The following GRIA4 variants were observed in gnomAD, a reference collection of about 807,000 sequenced individuals.
GRIA4 encodes the protein glutamate ionotropic receptor AMPA type subunit 4, also known as glutamate receptor 4.
In GRIA4, 34 loss-of-function variants were observed where a neutral mutation model predicts 104.0. The observed-to-expected ratio is 0.33, with a 90% CI of 0.25 to 0.44. The LOEUF (loss-of-function observed/expected upper bound fraction) is 0.44, where lower values mean the gene tolerates loss of function less well. Among genes scored for constraint, GRIA4 ranks in the 20% least tolerant of loss-of-function variants. The probability of loss-of-function intolerance (pLI) is 1.00; values close to 1 mark genes in which losing one functional copy is unlikely to be tolerated. For synonymous variants in GRIA4, 386 were observed against 381.9 expected (o/e 1.01, Z -0.13); for missense variants, 750 against 1,096.5 (o/e 0.68, Z 4.46).
intron 3 of GRIA4, among the ~76,000 whole-genome samples, chr11:105,658,798 A>G (rs1237051870): frequency 6.6e-6 from 1 of 151,960 alleles, no homozygotes; most frequent in African/African-American, 2.4e-5. Flanking sequence ...TGAGAAAGTA[A>G]CAAAATATAA....
intron 4 of GRIA4, among the ~76,000 whole-genome samples, chr11:105,780,519 T>A (rs968026735): frequency 2.6e-4 from 39 of 152,232 alleles, no homozygotes; most frequent in African/African-American, 8.4e-4. Context: ...AAAGATTTTT[T>A]AAAAATCTTA....
At chr11:105,825,926 C>T (rs1225354108) in intron 4 of GRIA4, among the ~76,000 whole-genome samples, 3 of 152,054 alleles carry the variant, frequency 2.0e-5, no homozygotes, top group African/African-American at 7.2e-5. Flanking sequence ...TGACTCACAG[C>T]ACCACTTTAG....
chr11:105,794,469 G>GTA (rs1200611859), intron 4 of GRIA4, among the ~76,000 whole-genome samples: 4,149 of 40,154 alleles, frequency 0.1, 592 homozygotes, highest in Middle Eastern at 0.2. Context: ...GTGTGTATAT[G>GTA]TATGTATATA....
chr11:105,665,868 T>C (rs558486058), intron 3 of GRIA4, among the ~76,000 whole-genome samples: 2 of 152,122 alleles, frequency 1.3e-5, no homozygotes, highest in African/African-American at 4.8e-5. Flanking sequence ...AATACCAAGC[T>C]TGGTCTCCAT....
intron 3 of GRIA4, among the ~76,000 whole-genome samples, chr11:105,679,824 C>A (rs1952653970): frequency 6.6e-6 from 1 of 152,094 alleles, no homozygotes; most frequent in Non-Finnish European, 1.5e-5. Flanking sequence ...TTGAGCTCAG[C>A]AAGATCCTCA....
At chr11:105,742,840 G>GA (rs1392428731) in intron 3 of GRIA4, among the ~76,000 whole-genome samples, 1 of 152,042 alleles carries the variant, frequency 6.6e-6, no homozygotes, top group African/African-American at 2.4e-5. Context: ...GGGTTCAAGC[G>GA]ATTCTCCTGC....
chr11:105,642,537 G>GA (rs34987277), intron 3 of GRIA4, among the ~76,000 whole-genome samples: 5,385 of 72,434 alleles, frequency 0.074, 1,041 homozygotes, highest in African/African-American at 0.15. Context: ...CAATTTTAAT[G>GA]AAAAAAAAAA....
chr11:105,690,910 T>C (rs1953061354), intron 3 of GRIA4, among the ~76,000 whole-genome samples: 1 of 152,202 alleles, frequency 6.6e-6, no homozygotes, highest in South Asian at 2.1e-4. Context: ...AATTGGCCAA[T>C]CTTTTTCTTC....
At chr11:105,888,149 GTGTAGGGGGTAGATTA>G (rs1416639164) in intron 6 of GRIA4, among the ~76,000 whole-genome samples, 5 of 151,912 alleles carry the variant, frequency 3.3e-5, no homozygotes, top group Admixed American at 3.3e-4. Context: ...TAACCATGTA[GTGTAGGGGGTAGATTA>G]TGTATGGAGC....
At chr11:105,676,973 A>G (rs936879952) in intron 3 of GRIA4, among the ~76,000 whole-genome samples, 1 of 151,854 alleles carries the variant, frequency 6.6e-6, no homozygotes, top group Non-Finnish European at 1.5e-5. Flanking sequence ...TGCATAAGTC[A>G]CATGTTTTTA....
At chr11:105,757,563 G>A (rs777916890) in intron 4 of GRIA4, among the ~76,000 whole-genome samples, 3 of 152,110 alleles carry the variant, frequency 2.0e-5, no homozygotes, top group Non-Finnish European at 2.9e-5. Flanking sequence ...TGGTGCCAGC[G>A]GTTCATTTGA....
intron 3 of GRIA4, among the ~76,000 whole-genome samples, chr11:105,646,273 A>C (rs1951524547): frequency 6.6e-6 from 1 of 152,198 alleles, no homozygotes. Context: ...ATCGTATTGA[A>C]GATTCAGAGG....
At chr11:105,897,832 T>C (rs1946711230) in intron 6 of GRIA4, among the ~76,000 whole-genome samples, 1 of 152,182 alleles carries the variant, frequency 6.6e-6, no homozygotes, top group Admixed American at 6.5e-5. Context: ...TGAAGATTTT[T>C]ATGTCTGTGT....
At chr11:105,942,035 A>AT (rs1000991948) in intron 14 of GRIA4, among the ~76,000 whole-genome samples, 52 of 152,234 alleles carry the variant, frequency 3.4e-4, no homozygotes, top group Admixed American at 2.6e-3. Flanking sequence ...AAGTATACCT[A>AT]TTTTGCATTG....
At chr11:105,744,079 C>T (rs574639360) in intron 3 of GRIA4, among the ~76,000 whole-genome samples, 45 of 152,154 alleles carry the variant, frequency 3.0e-4, no homozygotes, top group Non-Finnish European at 4.0e-4. Context: ...TCTTTCCCTC[C>T]ACTCCACCCT....
chr11:105,686,141 G>A (rs1390966450), intron 3 of GRIA4, among the ~76,000 whole-genome samples: 1 of 152,116 alleles, frequency 6.6e-6, no homozygotes, highest in Non-Finnish European at 1.5e-5. Flanking sequence ...TTGTGATGCT[G>A]AGGTTTAGGG....
chr11:105,809,055 C>G lies in GRIA4; in HGVS notation c.488-52969C>G, dbSNP rs905264294. On this transcript the variant is annotated intron_variant, in intron 4 of 16. Coordinates refer to ENST00000282499, the MANE Select transcript of GRIA4 (RefSeq NM_000829.4). ...GTTAATAGTGGTTCATTAATTGTGA[C>G]AAATATACCTCACTGAGGTAAGATG... 4.6e-5 allele frequency among the ~76,000 whole-genome samples: 7 copies of G among 152,078 alleles called. No homozygotes were observed. The South Asian group carries it at 6.2e-4, about 14-fold the overall frequency.
At chr11:105,742,570 G>T (rs1460971455) in intron 3 of GRIA4, among the ~76,000 whole-genome samples, 1 of 150,766 alleles carries the variant, frequency 6.6e-6, no homozygotes, top group Non-Finnish European at 1.5e-5. Flanking sequence ...ATATACATGT[G>T]TGTATATATA....
At chr11:105,792,834 C>T (rs571426352) in intron 4 of GRIA4, among the ~76,000 whole-genome samples, 1 of 152,186 alleles carries the variant, frequency 6.6e-6, no homozygotes, top group Middle Eastern at 3.4e-3. Context: ...AGGAGACAGA[C>T]CCTAAATGAG....
Sources: allele counts gnomAD v4.1 joint callset (sites outside exome capture counted in the v4.1 genomes callset), GRCh38; gene constraint gnomAD v4.1.1; transcripts MANE v1.5; gene names NCBI Gene and HGNC (gene_info 2026-07-23, HGNC 2026-07-21).